The following OSBPL11 variants were observed in gnomAD, a reference collection of about 807,000 sequenced individuals.
OSBPL11 encodes the protein oxysterol-binding protein-related protein 11.
In OSBPL11, 33 loss-of-function variants were observed where a neutral mutation model predicts 84.4. The ratio of observed to expected loss-of-function variants is 0.39; its 90% CI spans 0.30 to 0.52. The LOEUF (loss-of-function observed/expected upper bound fraction) is 0.52, where lower values mean the gene tolerates loss of function less well. Ranked by LOEUF, OSBPL11 falls within the 20% of genes least tolerant of loss-of-function variation. The probability of loss-of-function intolerance (pLI) is 0.72; values close to 1 mark genes in which losing one functional copy is unlikely to be tolerated. For synonymous variants in OSBPL11, 276 were observed against 310.2 expected, an observed-to-expected ratio of 0.89 and a Z score of 1.16; for missense variants, 736 against 901.1, an observed-to-expected ratio of 0.82 and a Z score of 2.35.
At chr3:125,539,857 G>T (rs1279855620) in intron 10 of OSBPL11, among the ~76,000 whole-genome samples, 1 of 152,140 alleles carries the variant, frequency 6.6e-6, no homozygotes, top group African/African-American at 2.4e-5. Context: ...AAAGGTTAGG[G>T]TCTAATCAGT....
At chr3:125,582,325 C>T (rs1489844516) in intron 2 of OSBPL11, among the ~76,000 whole-genome samples, 1 of 150,428 alleles carries the variant, frequency 6.6e-6, no homozygotes, top group African/African-American at 2.4e-5. Flanking sequence ...CAGAGCGAGA[C>T]TCCGTCTCAA....
chr3:125,545,711 G>A (rs897634322), intron 10 of OSBPL11, among the ~76,000 whole-genome samples: 2 of 152,056 alleles, frequency 1.3e-5, no homozygotes, highest in African/African-American at 4.8e-5. Context: ...ATCCTAAAGT[G>A]AGTGTGGAAA....
At chr3:125,577,414 CATG>C (rs1936341964) in intron 4 of OSBPL11, among the ~76,000 whole-genome samples, 1 of 152,198 alleles carries the variant, frequency 6.6e-6, no homozygotes. Flanking sequence ...AGGTGCTCAA[CATG>C]ATTAGTCATT....
chr3:125,589,506 C>G (rs943715775), intron 1 of OSBPL11, among the ~76,000 whole-genome samples: 3 of 151,670 alleles, frequency 2.0e-5, no homozygotes, highest in Non-Finnish European at 4.4e-5. Context: ...AGTTACATGC[C>G]TACAATTATC....
At chr3:125,590,960 T>C (rs1337057776) in intron 1 of OSBPL11, among the ~76,000 whole-genome samples, 1 of 152,170 alleles carries the variant, frequency 6.6e-6, no homozygotes, top group Non-Finnish European at 1.5e-5. Context: ...ATTGCCTAAG[T>C]CTATATTGTC....
Position 125,576,246 on chromosome 3 carries a change from C to T in OSBPL11, c.609G>A (p.Leu203=), listed in dbSNP as rs150379854. 3.2e-5 allele frequency: 51 copies of T among 1,610,822 alleles called. No homozygotes were observed. In the African/African-American group the frequency reaches 6.6e-4, roughly 21 times the overall value. The part of the protein sequence containing the change: ...ISFFNVGHSK[L]QSLSKRTNLP... Reference sequence around the variant, plus strand: ...AATTAGTTCTTTTGCTCAGTGATTGCAGTTTGGAATGTCCAACATTAAAAA... The same window carrying T: ...AATTAGTTCTTTTGCTCAGTGATTGTAGTTTGGAATGTCCAACATTAAAAA... The change falls in exon 5 of 13, where the codon CTG becomes CTA. Residue 203 remains leucine (L), a synonymous_variant. Coordinates refer to ENST00000296220, the MANE Select transcript of OSBPL11 (RefSeq NM_022776.5).
chr3:125,576,395 T>C (rs1936323645), intron 4 of OSBPL11, 30 bp from the exon 5 acceptor site: 1 of 1,511,428 alleles, frequency 6.6e-7, no homozygotes. Context: ...ATTCCTTTTG[T>C]TTTCTTCTTT....
intron 10 of OSBPL11, among the ~76,000 whole-genome samples, chr3:125,544,119 C>A (rs1935776462): frequency 6.7e-6 from 1 of 149,654 alleles, no homozygotes; most frequent in Non-Finnish European, 1.5e-5. Context: ...GCAATGGTGC[C>A]ATCTTGGCTC....
intron 5 of OSBPL11, among the ~76,000 whole-genome samples, chr3:125,570,949 G>GT (rs1427316569): frequency 2.0e-5 from 3 of 152,222 alleles, no homozygotes; most frequent in Non-Finnish European, 4.4e-5. Context: ...TTGGAACTGG[G>GT]TAATAGGCAG....
chr3:125,529,522 C>A lies in OSBPL11; in HGVS notation c.*993G>T, dbSNP rs1401035631. 6.6e-6 allele frequency: 1 copy of A among 150,794 alleles called. No homozygotes were observed. Among genetic ancestry groups the A allele is most frequent in the Non-Finnish European group, 1.5e-5 (1 of 67,784 alleles). The allele number at this position is 150,794 out of a possible 1,614,324, so 9.3% of individuals were successfully genotyped here. ...ACACATATAAGTTTTGAATTACTGA[C>A]AAATATGAATAGAATCATTTATTTT... On this transcript the variant is annotated 3_prime_UTR_variant, in exon 13 of 13. Transcript: ENST00000296220.
intron 7 of OSBPL11, among the ~76,000 whole-genome samples, chr3:125,563,227 A>G (rs768886216): frequency 1.9e-4 from 29 of 152,190 alleles, no homozygotes; most frequent in Non-Finnish European, 4.0e-4. Context: ...ATAGTTTATA[A>G]AAATATAAAC....
chr3:125,562,619 A>T (rs1363002365), intron 7 of OSBPL11, among the ~76,000 whole-genome samples: 1 of 152,150 alleles, frequency 6.6e-6, no homozygotes, highest in Non-Finnish European at 1.5e-5. Context: ...ACTTAAAGAG[A>T]TAACCTAAGA....
At chr3:125,551,198 AAATT>A (rs1253235990) in intron 9 of OSBPL11, among the ~76,000 whole-genome samples, 89 of 148,128 alleles carry the variant, frequency 6.0e-4, no homozygotes, top group Non-Finnish European at 1.0e-3. Context: ...AAATTAAATT[AAATT>A]AAAAAAAAGG....
chr3:125,592,451 A>G (rs1012192110), intron 1 of OSBPL11, among the ~76,000 whole-genome samples: 2 of 152,232 alleles, frequency 1.3e-5, no homozygotes, highest in African/African-American at 4.8e-5. Flanking sequence ...ATGAAATTAA[A>G]TCTGAGGACT....
Position 125,594,623 on chromosome 3 carries a change from A to C in OSBPL11, c.164+14T>G. ...CCTCCACCTCGGGAAATAATTTTGG[A>C]GAAAGGAGCATACCTGTACTGCCAG... is the stretch of plus-strand genomic sequence containing the variant. On this transcript the variant is annotated intron_variant, in intron 1 of 12. Coordinates refer to ENST00000296220, the MANE Select transcript of OSBPL11 (RefSeq NM_022776.5). The C allele has an allele frequency of 1.2e-6, 2 of 1,608,220 alleles. No homozygotes were observed. The highest frequency in any genetic ancestry group is 1.7e-6 in the Non-Finnish European group (2 of 1,176,602).
At chr3:125,571,528 A>T (rs1395185946) in intron 5 of OSBPL11, among the ~76,000 whole-genome samples, 1 of 152,104 alleles carries the variant, frequency 6.6e-6, no homozygotes, top group African/African-American at 2.4e-5. Flanking sequence ...CTAGCAGAAA[A>T]AAGTGGTTTC....
intron 3 of OSBPL11, 147 bp from the exon 4 acceptor site, chr3:125,579,186 A>G: frequency 2.1e-6 from 1 of 480,014 alleles, no homozygotes; most frequent in Non-Finnish European, 3.6e-6. Context: ...GAGGCAGGAA[A>G]GAGGCCAAAG....
At chr3:125,584,253 C>CTA (rs1215282585) in intron 1 of OSBPL11, among the ~76,000 whole-genome samples, 4 of 152,082 alleles carry the variant, frequency 2.6e-5, no homozygotes, top group Admixed American at 1.3e-4. Flanking sequence ...GTAATCCCAG[C>CTA]TACTTGTGAG....
intron 8 of OSBPL11, among the ~76,000 whole-genome samples, chr3:125,554,638 G>GA (rs899160040): frequency 3.3e-5 from 5 of 151,280 alleles, no homozygotes; most frequent in African/African-American, 1.2e-4. Context: ...CAAAGGAGGG[G>GA]AAAAAACAAA....
Sources: allele counts gnomAD v4.1 joint callset (sites outside exome capture counted in the v4.1 genomes callset), GRCh38; gene constraint gnomAD v4.1.1; transcripts MANE v1.5; gene names NCBI Gene and HGNC (gene_info 2026-07-23, HGNC 2026-07-21).